Variants in SESTD1 observed in about 807,000 individuals in gnomAD.
SESTD1 encodes the protein SEC14 domain and spectrin repeat-containing protein 1.
A neutral mutation model predicts 101.7 loss-of-function variants in SESTD1; 43 were observed. That is an observed-to-expected ratio of 0.42 (90% CI 0.33 to 0.55). SESTD1 has a LOEUF of 0.55. SESTD1 is among the 20% of genes least tolerant of loss of function. The pLI, the probability that SESTD1 is intolerant of heterozygous loss-of-function variation, is 0.07. For synonymous variants in SESTD1, 283 were observed against 286.8 expected (o/e 0.99, Z 0.13); for missense variants, 647 against 815.1 (o/e 0.79, Z 2.51).
intron 1 of SESTD1, among the ~76,000 whole-genome samples, chr2:179,260,593 G>A (rs2047469487): frequency 6.6e-6 from 1 of 152,084 alleles, no homozygotes; most frequent in Non-Finnish European, 1.5e-5. Flanking sequence ...TCTAGTAAAC[G>A]TTTAAAGGGC....
intron 1 of SESTD1, among the ~76,000 whole-genome samples, chr2:179,246,464 A>G (rs972931020): frequency 1.3e-5 from 2 of 151,678 alleles, no homozygotes; most frequent in Non-Finnish European, 1.5e-5. Flanking sequence ...ATAACTGCAG[A>G]TATCTCTTCA....
intron 9 of SESTD1, among the ~76,000 whole-genome samples, chr2:179,133,590 A>G (rs1213428315): frequency 6.6e-6 from 1 of 152,206 alleles, no homozygotes; most frequent in African/African-American, 2.4e-5. Context: ...AAAGGAATTT[A>G]AGAATAGATG....
intron 1 of SESTD1, among the ~76,000 whole-genome samples, chr2:179,230,798 CA>C (rs2046977035): frequency 6.6e-6 from 1 of 151,240 alleles, no homozygotes; most frequent in Non-Finnish European, 1.5e-5. Flanking sequence ...TTTGCAGAAA[CA>C]AAAAAAATCT....
intron 1 of SESTD1, among the ~76,000 whole-genome samples, chr2:179,232,844 A>G (rs1259595112): frequency 6.6e-6 from 1 of 152,196 alleles, no homozygotes; most frequent in Non-Finnish European, 1.5e-5. Flanking sequence ...CAGAGAACCA[A>G]AAGAACTATA....
At chr2:179,199,792 G>A (rs1359591025) in intron 1 of SESTD1, among the ~76,000 whole-genome samples, 1 of 152,212 alleles carries the variant, frequency 6.6e-6, no homozygotes, top group Non-Finnish European at 1.5e-5. Context: ...ATTAGGTATT[G>A]ATGGGACATA....
chr2:179,150,045 T>C (rs905827562), intron 6 of SESTD1, among the ~76,000 whole-genome samples: 2 of 151,962 alleles, frequency 1.3e-5, no homozygotes, highest in African/African-American at 4.8e-5. Flanking sequence ...CTGGGCAACA[T>C]GGAGACTCCA....
chr2:179,187,133 C>T (rs1440763291), intron 2 of SESTD1, among the ~76,000 whole-genome samples: 1 of 151,996 alleles, frequency 6.6e-6, no homozygotes, highest in African/African-American at 2.4e-5. Flanking sequence ...AATATGGTAA[C>T]AAAAGAACAC....
At chr2:179,128,670 A>G (rs2044935017) in intron 10 of SESTD1, among the ~76,000 whole-genome samples, 1 of 150,544 alleles carries the variant, frequency 6.6e-6, no homozygotes. Flanking sequence ...CAGAGGTTGC[A>G]GTGAGCTGAG....
chr2:179,192,929 TTATTG>T (rs1400996115), intron 1 of SESTD1, among the ~76,000 whole-genome samples: 1 of 152,160 alleles, frequency 6.6e-6, no homozygotes, highest in African/African-American at 2.4e-5. Context: ...CTGTGAAATT[TTATTG>T]TATTTAGTGA....
rs1281946921 is a variant in SESTD1 at position 179,103,460 on chromosome 2, C to G, written c.*6439G>C. On this transcript the variant is annotated 3_prime_UTR_variant, in exon 18 of 18. Coordinates refer to ENST00000428443, the MANE Select transcript of SESTD1 (RefSeq NM_178123.5). ...GAATTTACTGCAAAGAAATGAAAAC[C>G]TATGTTCACAAAGACTTACGTAAGA... 2.6e-5 allele frequency: 4 copies of G among 152,010 alleles called. No homozygotes were observed. Among genetic ancestry groups the G allele is most frequent in the Non-Finnish European group, 4.4e-5 (3 of 68,002 alleles). The allele number at this position is 152,010 out of a possible 1,614,324, so 9.4% of individuals were successfully genotyped here. A position where few individuals can be genotyped will look rare whatever the true frequency, so the allele number is the denominator to read the frequency against.
At chr2:179,263,562 G>T (rs967997143) in intron 1 of SESTD1, among the ~76,000 whole-genome samples, 4 of 152,122 alleles carry the variant, frequency 2.6e-5, no homozygotes, top group Admixed American at 2.0e-4. Context: ...AGCAAAACGT[G>T]AAGTAAGAGA....
chr2:179,255,229 C>T (rs2047375105), intron 1 of SESTD1, among the ~76,000 whole-genome samples: 1 of 152,178 alleles, frequency 6.6e-6, no homozygotes, highest in African/African-American at 2.4e-5. Flanking sequence ...TCACATTTCT[C>T]ACTTTAAATG....
intron 1 of SESTD1, among the ~76,000 whole-genome samples, chr2:179,238,126 C>T (rs2047096392): frequency 6.6e-6 from 1 of 152,048 alleles, no homozygotes. Context: ...AAGAAGAGAA[C>T]ATATATTTAC....
chr2:179,156,134 G>A lies in SESTD1; in HGVS notation c.370-4743C>T, dbSNP rs187948773. ...TATATATATATATGTGTGTATATAC[G>A]TATATATGTATATATATGTGTATAT... is the stretch of plus-strand genomic sequence containing the variant. On this transcript the variant is annotated intron_variant, in intron 5 of 17. Transcript: ENST00000428443. 2.6e-4 allele frequency among the ~76,000 whole-genome samples: 39 copies of A among 151,274 alleles called. No individual in the cohort carries two copies. In the East Asian group the frequency reaches 5.6e-3, roughly 22 times the overall value.
At chr2:179,247,616 T>G (rs2047253582) in intron 1 of SESTD1, among the ~76,000 whole-genome samples, 1 of 152,028 alleles carries the variant, frequency 6.6e-6, no homozygotes, top group Admixed American at 6.6e-5. Flanking sequence ...TTTTTTTCTT[T>G]TTTTGTAGAG....
rs139460196 is a variant in SESTD1, at chr2:179,183,573, T to C, written c.56-385A>G. Among the ~76,000 whole-genome samples the C allele has an allele frequency of 2.7e-3, 417 of 152,130 alleles. 1 individual carries two copies. The highest frequency in any genetic ancestry group is 9.0e-3 in the African/African-American group (375 of 41,524). ...GAAAATATTTAGGAGATAAGAAATA[T>C]GATAGTTTGTTATGTTCTATAAGAT... On this transcript the variant is annotated intron_variant, in intron 2 of 17. Coordinates refer to ENST00000428443, the MANE Select transcript of SESTD1 (RefSeq NM_178123.5).
rs377626165 is a variant in SESTD1 at position 179,176,429 on chromosome 2, T to C, written c.255+19A>G. 6.3e-6 allele frequency: 10 copies of C among 1,596,906 alleles called. No individual in the cohort carries two copies. In the African/African-American group the frequency reaches 6.7e-5, roughly 11 times the overall value. ...CTGTAAAATAAAAACCATTTCCTGA[T>C]AGACAAAACCAAAATTACCTGTAGC... is the stretch of plus-strand genomic sequence containing the variant. On this transcript the variant is annotated intron_variant, in intron 4 of 17. Coordinates refer to ENST00000428443, the MANE Select transcript of SESTD1 (RefSeq NM_178123.5).
At chr2:179,156,905 G>A (rs1347016529) in intron 5 of SESTD1, among the ~76,000 whole-genome samples, 1 of 152,146 alleles carries the variant, frequency 6.6e-6, no homozygotes, top group Non-Finnish European at 1.5e-5. Context: ...CTAAGCCAAT[G>A]TCTAAAAGGG....
chr2:179,237,525 G>A (rs1426873417), intron 1 of SESTD1, among the ~76,000 whole-genome samples: 1 of 152,114 alleles, frequency 6.6e-6, no homozygotes, highest in Non-Finnish European at 1.5e-5. Flanking sequence ...CATTGTGTGT[G>A]TGTCCCTTCC....
Sources: allele counts gnomAD v4.1 joint callset (sites outside exome capture counted in the v4.1 genomes callset), GRCh38; gene constraint gnomAD v4.1.1; transcripts MANE v1.5; gene names NCBI Gene and HGNC (gene_info 2026-07-23, HGNC 2026-07-21).